GSE1: variants seen among roughly 807,000 people sequenced by gnomAD.
GSE1 encodes the protein Gse1 coiled-coil protein.
A neutral mutation model predicts 112.6 loss-of-function variants in GSE1; 32 were observed. The observed-to-expected ratio is 0.28, with a 90% CI of 0.21 to 0.38. GSE1 has a LOEUF of 0.38. Ranked by LOEUF, GSE1 falls within the 10% of genes least tolerant of loss-of-function variation. The pLI is 1.00. For synonymous variants in GSE1, 1,115 were observed against 735.6 expected, an observed-to-expected ratio of 1.52 and a Z score of -8.35; for missense variants, 2,348 against 1,699.2, an observed-to-expected ratio of 1.38 and a Z score of -6.71.
At chr16:85,312,566 G>A (rs1428647395) in intron 1 of GSE1, among the ~76,000 whole-genome samples, 1 of 152,172 alleles carries the variant, frequency 6.6e-6, no homozygotes. Context: ...GTGCATTTAG[G>A]CTGGATTTAG....
intron 1 of GSE1, among the ~76,000 whole-genome samples, chr16:85,354,576 C>T (rs2046912523): frequency 1.3e-5 from 2 of 152,334 alleles, no homozygotes; most frequent in Middle Eastern, 3.4e-3. Context: ...CTTCTCTCTC[C>T]AGCAGAACCC....
chr16:85,667,899 T>TGGTCC (rs891035452), intron 13 of GSE1, among the ~76,000 whole-genome samples: 48 of 121,910 alleles, frequency 3.9e-4, no homozygotes, highest in Admixed American at 2.4e-3. Context: ...CCAACAAAAA[T>TGGTCC]GGTCCACGTA....
intron 2 of GSE1, among the ~76,000 whole-genome samples, chr16:85,542,909 G>A (rs779115302): frequency 6.6e-6 from 1 of 152,198 alleles, no homozygotes; most frequent in Non-Finnish European, 1.5e-5. Context: ...GGAAGCCACT[G>A]TTTTTAGCGT....
intron 1 of GSE1, among the ~76,000 whole-genome samples, chr16:85,213,136 G>A (rs1055399955): frequency 1.3e-5 from 2 of 152,082 alleles, no homozygotes; most frequent in African/African-American, 2.4e-5. Flanking sequence ...AGCCGTGGTG[G>A]CGCATGCCTG....
intron 1 of GSE1, among the ~76,000 whole-genome samples, chr16:85,304,438 G>A (rs73257777): frequency 0.037 from 5,605 of 152,308 alleles, 339 homozygotes; most frequent in African/African-American, 0.12. Context: ...TGGGCATTGT[G>A]GGTGAGGCAG....
intron 2 of GSE1, among the ~76,000 whole-genome samples, chr16:85,646,961 T>A (rs890508969): frequency 6.6e-6 from 1 of 151,876 alleles, no homozygotes; most frequent in Non-Finnish European, 1.5e-5. Context: ...TTGCAGCAGG[T>A]GCCTTTGGAC....
At chr16:85,287,223 A>G (rs1026881002) in intron 1 of GSE1, among the ~76,000 whole-genome samples, 2 of 152,222 alleles carry the variant, frequency 1.3e-5, no homozygotes, top group African/African-American at 4.8e-5. Context: ...AAACTGTGCA[A>G]GACGTGCACC....
intron 2 of GSE1, among the ~76,000 whole-genome samples, chr16:85,647,800 T>C (rs2051003552): frequency 6.6e-6 from 1 of 152,146 alleles, no homozygotes; most frequent in Non-Finnish European, 1.5e-5. Context: ...TTGGCCAGGA[T>C]GGTCTCGAAC....
chr16:85,412,736 G>A (rs996237023), intron 2 of GSE1, among the ~76,000 whole-genome samples: 1 of 151,896 alleles, frequency 6.6e-6, no homozygotes, highest in African/African-American at 2.4e-5. Context: ...AGGCCCCCCG[G>A]ATAATCCTCA....
At chr16:85,502,414 C>A (rs1217035632) in intron 2 of GSE1, among the ~76,000 whole-genome samples, 1 of 152,168 alleles carries the variant, frequency 6.6e-6, no homozygotes, top group East Asian at 1.9e-4. Context: ...AGGGAGGAAG[C>A]AGGACTCCTC....
At chr16:85,582,341 C>T (rs1045001496) in intron 1 of GSE1, among the ~76,000 whole-genome samples, 10 of 152,348 alleles carry the variant, frequency 6.6e-5, no homozygotes, top group African/African-American at 2.2e-4. Context: ...GGTGGAACTC[C>T]ACTGCAGAAG....
intron 2 of GSE1, among the ~76,000 whole-genome samples, chr16:85,360,107 A>C (rs1046821464): frequency 6.6e-6 from 1 of 152,108 alleles, no homozygotes; most frequent in Non-Finnish European, 1.5e-5. Context: ...CATTTCCAAA[A>C]GGAGCCCTTT....
At chr16:85,174,535 C>G (rs1027413612) in intron 1 of GSE1, among the ~76,000 whole-genome samples, 15 of 152,230 alleles carry the variant, frequency 9.9e-5, no homozygotes, top group African/African-American at 2.9e-4. Flanking sequence ...CCCTCCCCCT[C>G]CTTCCCATTC....
rs148943717 is a variant in GSE1, at chr16:85,263,596, G to A, written c.2283+91789G>A. Among the ~76,000 whole-genome samples the A allele has an allele frequency of 2.7e-4, 40 of 150,000 alleles. No individual in the cohort carries two copies. In the East Asian group the frequency reaches 7.8e-3, roughly 29 times the overall value. On this transcript the variant is annotated intron_variant, in intron 1 of 2. Transcript: ENST00000637419. ...TTCTTTCCTTTTTTTTTTTTGAAAT[G>A]GAGTCTCAGTTTGTCGCCCAGGCTG...
At chr16:85,596,411 C>T (rs1311004819) in intron 1 of GSE1, among the ~76,000 whole-genome samples, 2 of 152,200 alleles carry the variant, frequency 1.3e-5, no homozygotes, top group Non-Finnish European at 2.9e-5. Flanking sequence ...ACCTGGCTCA[C>T]TGTGTTCATC....
intron 1 of GSE1, among the ~76,000 whole-genome samples, chr16:85,624,161 T>TG (rs750225139): frequency 1.3e-5 from 2 of 152,162 alleles, no homozygotes; most frequent in Admixed American, 6.5e-5. Flanking sequence ...CACGGAAACT[T>TG]GGAGACCTCA....
chr16:85,569,546 G>A (rs118099691), intron 1 of GSE1, among the ~76,000 whole-genome samples: 190 of 152,340 alleles, frequency 1.2e-3, no homozygotes, highest in Middle Eastern at 6.8e-3. Flanking sequence ...TTAGTGTGGT[G>A]TCTAGGCTGT....
chr16:85,664,171 C>A (rs573429682), intron 11 of GSE1, among the ~76,000 whole-genome samples: 2 of 152,250 alleles, frequency 1.3e-5, no homozygotes, highest in Non-Finnish European at 2.9e-5. Context: ...AACGCAGCCA[C>A]AACACCTGCT....
At chr16:85,584,849 G>A (rs1050538829) in intron 1 of GSE1, among the ~76,000 whole-genome samples, 114 of 152,050 alleles carry the variant, frequency 7.5e-4, no homozygotes, top group African/African-American at 2.7e-3. Flanking sequence ...ATGGAAACGC[G>A]TGCCAAGGTG....
Sources: gnomAD v4.1 joint callset for allele counts (sites outside exome capture counted in the v4.1 genomes callset) on GRCh38, gnomAD v4.1.1 for gene constraint, MANE v1.5 for transcripts, NCBI Gene and HGNC (gene_info 2026-07-23, HGNC 2026-07-21) for gene names.